U2SURP: variants seen among roughly 807,000 people sequenced by gnomAD.
U2SURP encodes U2 snRNP-associated SURP motif-containing protein.
Under a neutral mutation model 144.9 loss-of-function variants are expected in U2SURP, and 9 were observed. The ratio of observed to expected loss-of-function variants is 0.06; its 90% CI spans 0.04 to 0.11. The LOEUF (loss-of-function observed/expected upper bound fraction) is 0.11. Among genes scored for constraint, U2SURP ranks in the 10% least tolerant of loss-of-function variants. The pLI, the probability that U2SURP is intolerant of heterozygous loss-of-function variation, is 1.00. For synonymous variants in U2SURP, 408 were observed against 396.8 expected (o/e 1.03, Z -0.33); for missense variants, 724 against 1,226.7 (o/e 0.59, Z 6.12).
At chr3:143,036,126 G>A (rs1333135710) in intron 20 of U2SURP, 22 bp downstream of exon 20, 11 of 1,570,278 alleles carry the variant, frequency 7.0e-6, no homozygotes, top group Non-Finnish European at 7.7e-6. Context: ...GTATTTGTCT[G>A]GTTGTTTTTA....
At chr3:143,047,057 C>G (rs1481911612) in intron 24 of U2SURP, among the ~76,000 whole-genome samples, 1 of 120,900 alleles carries the variant, frequency 8.3e-6, no homozygotes, top group Non-Finnish European at 1.7e-5. Context: ...CTGACCCCCC[C>G]ACCTCCCTCC....
At chr3:143,012,430 G>A in intron 3 of U2SURP, 77 bp downstream of exon 3, 1 of 1,360,620 alleles carries the variant, frequency 7.3e-7, no homozygotes, top group East Asian at 2.6e-5. Context: ...GAATTTAGTG[G>A]TCGAATATTT....
Position 143,022,954 on chromosome 3 carries a change from C to A in U2SURP, c.1120C>A (p.Leu374Ile). Residue 374 changes from leucine to isoleucine, a missense_variant, in exon 12 of 28, where the codon CTT (leucine) becomes ATT (isoleucine). Leu to Ile is a conservative substitution (Grantham distance 5, BLOSUM62 2). Coordinates refer to ENST00000473835, the MANE Select transcript of U2SURP (RefSeq NM_001080415.2). ...TCCGCCTTCTATGATGGAACATACG[C>A]TTCCCCCACCTCCATCCGGACTGCC... is the stretch of plus-strand genomic sequence containing the variant. ...YIPPSMMEHT[L>I]PPPPSGLPFN... 6.2e-7 allele frequency: 1 copy of A among 1,612,546 alleles called. No individual in the cohort carries two copies. The highest frequency in any genetic ancestry group is 8.5e-7 in the Non-Finnish European group (1 of 1,179,284).
In U2SURP at chr3:143,056,478, T is replaced by C. The variant is rs746239161; in HGVS notation, c.*28T>C. ...TAAATTTTTAAGATGCTGTCACTTA[T>C]TGGAAATGCGATTTGTTTTGTGCCT... On this transcript the variant is annotated 3_prime_UTR_variant, in exon 28 of 28. Coordinates refer to ENST00000473835, the MANE Select transcript of U2SURP (RefSeq NM_001080415.2). 12 of 1,606,688 alleles carry C rather than the reference T, an allele frequency of 7.5e-6. No individual in the cohort carries two copies. Among genetic ancestry groups the C allele is most frequent in the South Asian group, 3.3e-5 (3 of 90,196 alleles).
In U2SURP at chr3:143,021,507, A is replaced by G. The variant is rs745662192; in HGVS notation, c.804A>G (p.Val268=). The G allele has an allele frequency of 1.2e-6, 2 of 1,613,842 alleles. No homozygotes were observed. Among genetic ancestry groups the G allele is most frequent in the Admixed American group, 3.3e-5 (2 of 59,996 alleles). ...ATTACGCACCTGGCTCACATGATGTAGGAGATCCAAGCACTACTAATTTAT... is the reference window on the plus strand; with the variant it reads ...ATTACGCACCTGGCTCACATGATGTGGGAGATCCAAGCACTACTAATTTAT... The part of the protein sequence containing the change: ...LDDYAPGSHD[V]GDPSTTNLYL... The change falls in exon 10 of 28, where the codon GTA becomes GTG. Residue 268 remains valine (V), a synonymous_variant. Transcript: ENST00000473835.
At chr3:143,033,625 G>A (rs1933634983) in intron 18 of U2SURP, among the ~76,000 whole-genome samples, 1 of 152,066 alleles carries the variant, frequency 6.6e-6, no homozygotes, top group Non-Finnish European at 1.5e-5. Flanking sequence ...ATTGTATTAG[G>A]TATTGTAAGT....
chr3:143,034,275 G>T (rs1322593565), intron 18 of U2SURP, among the ~76,000 whole-genome samples: 1 of 152,042 alleles, frequency 6.6e-6, no homozygotes, highest in Non-Finnish European at 1.5e-5. Flanking sequence ...GTGGTGGTGT[G>T]CCTCTGTAAT....
chr3:143,033,179 C>T (rs1000668438), intron 17 of U2SURP, 92 bp from the exon 18 acceptor site: 36 of 881,710 alleles, frequency 4.1e-5, no homozygotes, highest in Non-Finnish European at 6.2e-5. Context: ...TACTGAGCTT[C>T]ATATAACTCT....
At chr3:143,027,746 T>A (rs1933239171) in intron 14 of U2SURP, among the ~76,000 whole-genome samples, 1 of 152,196 alleles carries the variant, frequency 6.6e-6, no homozygotes, top group Middle Eastern at 3.2e-3. Context: ...GTTGTAAAAG[T>A]ATGGGATTAG....
chr3:143,028,439 C>T (rs775234875), intron 15 of U2SURP, 33 bp downstream of exon 15: 37 of 1,609,708 alleles, frequency 2.3e-5, no homozygotes, highest in Admixed American at 1.9e-4. Flanking sequence ...TTAATTTTGA[C>T]TCTGAGTAAT....
At chr3:143,020,569 A>G (rs372155260) in intron 7 of U2SURP, 30 bp from the exon 8 acceptor site, 14 of 1,558,462 alleles carry the variant, frequency 9.0e-6, no homozygotes, top group African/African-American at 1.4e-5. Context: ...ATTTTGGCTC[A>G]TTATAAGTGA....
chr3:143,053,516 A>C (rs1339330991), intron 25 of U2SURP, among the ~76,000 whole-genome samples, 160 bp from the exon 26 acceptor site: 2 of 141,592 alleles, frequency 1.4e-5, no homozygotes, highest in African/African-American at 5.3e-5. Context: ...AGAAATGACT[A>C]GTTTCCCTGA....
At chr3:143,053,041 C>T (rs1934967799) in intron 25 of U2SURP, among the ~76,000 whole-genome samples, 1 of 149,996 alleles carries the variant, frequency 6.7e-6, no homozygotes, top group African/African-American at 2.5e-5. Flanking sequence ...ACTTGTTTCC[C>T]ACTAATAAAA....
chr3:143,042,338 A>G (rs1393353684), intron 23 of U2SURP, among the ~76,000 whole-genome samples: 1 of 152,096 alleles, frequency 6.6e-6, no homozygotes, highest in East Asian at 1.9e-4. Context: ...TACCAGCTGT[A>G]TTGGTTATTT....
At chr3:143,026,592 C>T (rs1471339377) in intron 13 of U2SURP, 3 of 151,948 alleles carry the variant, frequency 2.0e-5, no homozygotes, top group East Asian at 3.9e-4. Flanking sequence ...GGTGTGTGTA[C>T]CAGAAAAACA....
rs760584014 is a variant in U2SURP at position 143,056,869 on chromosome 3, T to C, written c.*419T>C. 15 of 175,562 alleles carry C rather than the reference T, an allele frequency of 8.5e-5. No individual in the cohort carries two copies. Among genetic ancestry groups the C allele is most frequent in the Non-Finnish European group, 8.6e-5 (7 of 81,342 alleles). 10.9% of individuals were successfully genotyped at this position (175,562 alleles called of 1,614,324 possible). Reference sequence around the variant, plus strand: ...TAATGTTGTTTTTTTGCCCCACCGGTGATATTAAGTCCCTTAAAGTCCTAC... The same window carrying C: ...TAATGTTGTTTTTTTGCCCCACCGGCGATATTAAGTCCCTTAAAGTCCTAC... On this transcript the variant is annotated 3_prime_UTR_variant, in exon 28 of 28. Transcript: ENST00000473835.
chr3:143,010,755 G>T, intron 1 of U2SURP, 60 bp from the exon 2 acceptor site: 2 of 1,327,378 alleles, frequency 1.5e-6, no homozygotes, highest in South Asian at 1.4e-5. Context: ...TAACACGAGA[G>T]ACATGTTTTG....
intron 1 of U2SURP, chr3:143,002,275 G>A (rs1291586254): frequency 2.0e-5 from 3 of 152,446 alleles, no homozygotes; most frequent in Admixed American, 6.5e-5. Context: ...ACCTTAACGG[G>A]AAGTAAAAAG....
At chr3:143,023,876 A>T (rs1932977328) in intron 12 of U2SURP, 99 bp from the exon 13 acceptor site, 1 of 1,096,052 alleles carries the variant, frequency 9.1e-7, no homozygotes, top group Non-Finnish European at 1.4e-6. Context: ...TTGTGATTAG[A>T]TATGTAGTAT....
Sources: gnomAD v4.1 joint callset for allele counts (sites outside exome capture counted in the v4.1 genomes callset) on GRCh38, gnomAD v4.1.1 for gene constraint, MANE v1.5 for transcripts, NCBI Gene and HGNC (gene_info 2026-07-23, HGNC 2026-07-21) for gene names.